Variants in UBXN7 observed in about 807,000 individuals in gnomAD.
UBXN7 encodes the protein UBX domain protein 7.
A neutral mutation model predicts 58.0 loss-of-function variants in UBXN7; 9 were observed. That is an observed-to-expected ratio of 0.16 (90% CI 0.09 to 0.27). The LOEUF is 0.27. Among genes scored for constraint, UBXN7 ranks in the 10% least tolerant of loss-of-function variants. The probability of loss-of-function intolerance (pLI) is 1.00; values close to 1 mark genes in which losing one functional copy is unlikely to be tolerated. For missense variants in UBXN7, 328 were observed against 599.6 expected, an observed-to-expected ratio of 0.55 and a Z score of 4.73; for synonymous variants, 208 against 205.0, an observed-to-expected ratio of 1.01 and a Z score of -0.12.
At chr3:196,396,415 T>G (rs976872587) in intron 3 of UBXN7, among the ~76,000 whole-genome samples, 1 of 145,902 alleles carries the variant, frequency 6.9e-6, no homozygotes, top group Non-Finnish European at 1.5e-5. Flanking sequence ...AAAAAAAAAA[T>G]TAACTTTTTA....
chr3:196,397,653 C>T (rs538786451), intron 3 of UBXN7: 21 of 152,316 alleles, frequency 1.4e-4, no homozygotes, highest in Middle Eastern at 3.4e-3. Context: ...CATATTGATT[C>T]CGAACTTAGT....
intron 1 of UBXN7, 139 bp downstream of exon 1, chr3:196,432,188 C>T: frequency 8.1e-7 from 1 of 1,229,524 alleles, no homozygotes; most frequent in Non-Finnish European, 1.2e-6. Flanking sequence ...ACGCCGTCGT[C>T]GCCTCTTCCT....
chr3:196,385,614 C>T (rs1484635373), intron 5 of UBXN7, among the ~76,000 whole-genome samples: 2 of 151,950 alleles, frequency 1.3e-5, no homozygotes, highest in African/African-American at 2.4e-5. Context: ...TCTGCCCCGC[C>T]GCCACCCACT....
intron 5 of UBXN7, among the ~76,000 whole-genome samples, chr3:196,372,284 TTGTTA>T (rs1335184956): frequency 7.2e-6 from 1 of 139,566 alleles, no homozygotes; most frequent in Non-Finnish European, 1.6e-5. Flanking sequence ...ATCCAGTTAT[TTGTTA>T]TAATAGCTGA....
intron 3 of UBXN7, among the ~76,000 whole-genome samples, chr3:196,396,539 G>C (rs866222758): frequency 6.6e-6 from 1 of 152,106 alleles, no homozygotes; most frequent in Non-Finnish European, 1.5e-5. Context: ...GAGGTGGGTG[G>C]ATCACGAGGT....
At chr3:196,413,793 A>G (rs1173789212) in intron 1 of UBXN7, among the ~76,000 whole-genome samples, 1 of 152,198 alleles carries the variant, frequency 6.6e-6, no homozygotes, top group Non-Finnish European at 1.5e-5. Context: ...CAAGGATACC[A>G]AAATTTGAGA....
At chr3:196,386,443 A>C (rs1328810365) in intron 5 of UBXN7, among the ~76,000 whole-genome samples, 1 of 151,648 alleles carries the variant, frequency 6.6e-6, no homozygotes, top group Non-Finnish European at 1.5e-5. Flanking sequence ...TTTGCAGATG[A>C]CATGATTGTA....
intron 1 of UBXN7, among the ~76,000 whole-genome samples, chr3:196,417,099 G>C (rs1181498351): frequency 1.3e-5 from 2 of 152,078 alleles, no homozygotes; most frequent in East Asian, 1.9e-4. Context: ...GGATCACAAG[G>C]TCAGGAGATC....
At chr3:196,376,819 G>A (rs1729043028) in intron 5 of UBXN7, among the ~76,000 whole-genome samples, 1 of 151,874 alleles carries the variant, frequency 6.6e-6, no homozygotes, top group Non-Finnish European at 1.5e-5. Flanking sequence ...GCCAAGGCTG[G>A]TTAATCACTG....
At chr3:196,403,533 T>C (rs577994797) in intron 2 of UBXN7, among the ~76,000 whole-genome samples, 1 of 152,254 alleles carries the variant, frequency 6.6e-6, no homozygotes, top group South Asian at 2.1e-4. Context: ...ATAGCTCAAA[T>C]GGTTTGGAAA....
At chr3:196,424,283 GT>G (rs1221735565) in intron 1 of UBXN7, among the ~76,000 whole-genome samples, 1 of 151,572 alleles carries the variant, frequency 6.6e-6, no homozygotes, top group Non-Finnish European at 1.5e-5. Flanking sequence ...CTTCTTTGCA[GT>G]CCCCCGGATG....
At chr3:196,406,844 T>G (rs912976724) in intron 2 of UBXN7, among the ~76,000 whole-genome samples, 4 of 152,212 alleles carry the variant, frequency 2.6e-5, no homozygotes, top group African/African-American at 9.6e-5. Context: ...TACTGCTACT[T>G]AATTGCTGTG....
chr3:196,432,180 G>T, intron 1 of UBXN7, 147 bp downstream of exon 1: 1 of 1,130,424 alleles, frequency 8.8e-7, no homozygotes, highest in Non-Finnish European at 1.3e-6. Context: ...AGACCCCGAC[G>T]CCGTCGTCGC....
At chr3:196,413,317 A>C in intron 1 of UBXN7, among the ~76,000 whole-genome samples, 1 of 152,136 alleles carries the variant, frequency 6.6e-6, no homozygotes. Context: ...CAGCCTGGGC[A>C]ACAAGAGCGA....
chr3:196,377,374 C>T (rs931170572), intron 5 of UBXN7, among the ~76,000 whole-genome samples: 6 of 152,158 alleles, frequency 3.9e-5, no homozygotes, highest in Admixed American at 3.3e-4. Flanking sequence ...CCCCATCGTT[C>T]GCATTCCCTC....
chr3:196,377,980 T>C (rs750810418), intron 5 of UBXN7, among the ~76,000 whole-genome samples: 2 of 152,194 alleles, frequency 1.3e-5, no homozygotes, highest in Non-Finnish European at 1.5e-5. Context: ...CAGCTACATT[T>C]TATTCTTTCT....
In UBXN7 at chr3:196,394,112, G is replaced by A. The variant is rs994183150; in HGVS notation, c.290-493C>T. Among the ~76,000 whole-genome samples, 4 of 151,740 alleles carry A rather than the reference G, an allele frequency of 2.6e-5. No individual in the cohort carries two copies. In the East Asian group the frequency reaches 7.8e-4, roughly 29 times the overall value. On this transcript the variant is annotated intron_variant, in intron 3 of 10. Coordinates refer to ENST00000296328, the MANE Select transcript of UBXN7 (RefSeq NM_015562.2). ...GAGACCAGCCTGACCAACATGGTGA[G>A]CCCCTGTCTCTACTAAATACAAAAA...
At chr3:196,425,258 T>C (rs9847223) in intron 1 of UBXN7, among the ~76,000 whole-genome samples, 79,871 of 151,790 alleles carry the variant, frequency 0.53, 21,448 homozygotes, top group East Asian at 0.9. Flanking sequence ...CCATACCTTT[T>C]GGAGTCCACT....
intron 1 of UBXN7, among the ~76,000 whole-genome samples, chr3:196,430,826 C>G (rs976396949): frequency 6.6e-6 from 1 of 152,158 alleles, no homozygotes; most frequent in Admixed American, 6.6e-5. Context: ...TAATCTTCTC[C>G]ATAGCAATGA....
Sources: gnomAD v4.1 joint callset for allele counts (sites outside exome capture counted in the v4.1 genomes callset) on GRCh38, gnomAD v4.1.1 for gene constraint, MANE v1.5 for transcripts, NCBI Gene and HGNC (gene_info 2026-07-23, HGNC 2026-07-21) for gene names.